The following EFCAB6 variants were observed in gnomAD, a reference collection of about 807,000 sequenced individuals.
EFCAB6 encodes EF-hand calcium-binding domain-containing protein 6.
In EFCAB6, 156 loss-of-function variants were observed where a neutral mutation model predicts 169.8. That is an observed-to-expected ratio of 0.92 (90% CI 0.81 to 1.05). The LOEUF (loss-of-function observed/expected upper bound fraction) is 1.05. Ranked by LOEUF, EFCAB6 falls within the 50% of genes least tolerant of loss-of-function variation. The pLI, the probability that EFCAB6 is intolerant of heterozygous loss-of-function variation, is 0.00. For missense variants in EFCAB6, 1,800 were observed against 1,829.1 expected (o/e 0.98, Z 0.29); for synonymous variants, 698 against 676.4 (o/e 1.03, Z -0.50).
intron 9 of EFCAB6, among the ~76,000 whole-genome samples, chr22:43,713,997 CACAAAAA>C (rs2059247712): frequency 6.6e-6 from 1 of 151,794 alleles, no homozygotes; most frequent in Non-Finnish European, 1.5e-5. Context: ...AATTTCATGC[CACAAAAA>C]GGAACTAAAT....
intron 17 of EFCAB6, among the ~76,000 whole-genome samples, chr22:43,638,524 C>T (rs935710286): frequency 2.6e-5 from 4 of 152,164 alleles, no homozygotes; most frequent in South Asian, 2.1e-4. Flanking sequence ...TGAAGGAAGA[C>T]GCCCTGAGAG....
intron 2 of EFCAB6, among the ~76,000 whole-genome samples, chr22:43,801,976 T>C (rs2062737878): frequency 6.6e-6 from 1 of 152,184 alleles, no homozygotes; most frequent in African/African-American, 2.4e-5. Context: ...AGAAACCCAC[T>C]TCACCTATAA....
intron 17 of EFCAB6, among the ~76,000 whole-genome samples, chr22:43,636,609 C>CTTTTTTT: frequency 7.9e-6 from 1 of 126,300 alleles, no homozygotes; most frequent in Non-Finnish European, 1.7e-5. Flanking sequence ...CAGTTCTTTT[C>CTTTTTTT]TTTTTTTTTT....
At chr22:43,574,308 G>C (rs573941412) in intron 26 of EFCAB6, among the ~76,000 whole-genome samples, 3 of 151,478 alleles carry the variant, frequency 2.0e-5, no homozygotes, top group African/African-American at 7.3e-5. Flanking sequence ...AAAAAAATGC[G>C]TTAGAAAAAA....
intron 2 of EFCAB6, among the ~76,000 whole-genome samples, chr22:43,803,749 C>T (rs868114794): frequency 1.1e-4 from 16 of 152,156 alleles, no homozygotes; most frequent in African/African-American, 3.6e-4. Flanking sequence ...GCTTCACTCT[C>T]GGTAATGAAT....
At chr22:43,687,367 C>A (rs927593599) in intron 11 of EFCAB6, 104 bp downstream of exon 11, 17 of 711,540 alleles carry the variant, frequency 2.4e-5, no homozygotes, top group Non-Finnish European at 3.7e-5. Flanking sequence ...GGAGACTAAT[C>A]GATCATTCAA....
At chr22:43,726,627 C>T (rs1025212593) in intron 8 of EFCAB6, among the ~76,000 whole-genome samples, 6 of 152,196 alleles carry the variant, frequency 3.9e-5, no homozygotes, top group Admixed American at 6.5e-5. Flanking sequence ...AATTGGAAAA[C>T]AGAGTTCAGG....
At chr22:43,575,735 C>T (rs543473689) in intron 26 of EFCAB6, among the ~76,000 whole-genome samples, 3 of 152,178 alleles carry the variant, frequency 2.0e-5, no homozygotes, top group African/African-American at 4.8e-5. Flanking sequence ...TGGAGTCAGG[C>T]TTACAAACCA....
chr22:43,776,752 CA>C (rs1372733155), intron 3 of EFCAB6, among the ~76,000 whole-genome samples: 2 of 152,174 alleles, frequency 1.3e-5, no homozygotes, highest in South Asian at 2.1e-4. Context: ...GAGGTCAGGC[CA>C]GGGGAGGAAA....
At chr22:43,545,666 T>C (rs2147111023) in intron 27 of EFCAB6, among the ~76,000 whole-genome samples, 1 of 152,272 alleles carries the variant, frequency 6.6e-6, no homozygotes, top group Middle Eastern at 3.4e-3. Flanking sequence ...GTATCTTCAG[T>C]GCAAGGCTGG....
intron 23 of EFCAB6, 36 bp from the exon 24 acceptor site, chr22:43,590,265 C>A: frequency 6.3e-7 from 1 of 1,592,796 alleles, no homozygotes; most frequent in South Asian, 1.1e-5. Context: ...ACCCTAAAAT[C>A]AGGAAAACAA....
intron 30 of EFCAB6, among the ~76,000 whole-genome samples, chr22:43,531,302 C>T (rs1954224342): frequency 6.6e-6 from 1 of 152,030 alleles, no homozygotes. Context: ...GGGCTTTGAC[C>T]CCAACACACT....
intron 17 of EFCAB6, among the ~76,000 whole-genome samples, chr22:43,641,786 G>A (rs1269803734): frequency 2.6e-5 from 4 of 152,172 alleles, no homozygotes; most frequent in African/African-American, 7.2e-5. Flanking sequence ...TGGACCAGCC[G>A]TGGGATCCTC....
intron 10 of EFCAB6, among the ~76,000 whole-genome samples, chr22:43,707,702 AAACTGAACTAAACACTC>A (rs1360801606): frequency 4.6e-5 from 7 of 152,282 alleles, no homozygotes; most frequent in African/African-American, 1.4e-4. Context: ...TTGAAAACAA[AAACTGAACTAAACACTC>A]ACAGGACCTT....
chr22:43,744,214 C>T lies in EFCAB6; in HGVS notation c.508-8221G>A, dbSNP rs189894032. On this transcript the variant is annotated intron_variant, in intron 6 of 31. Coordinates refer to ENST00000262726, the MANE Select transcript of EFCAB6 (RefSeq NM_022785.4). The surrounding 1 kb of genome is among the most constrained non-coding windows in gnomAD (Gnocchi z 4.3). ...GATGATGAATGAATGGATGGAAGGG[C>T]TATGGACAGATGGATGTGGGGATGG... 4.3e-3 allele frequency among the ~76,000 whole-genome samples: 649 copies of T among 149,816 alleles called. 2 individuals carry two copies. Among genetic ancestry groups the T allele is most frequent in the Middle Eastern group, 0.03 (8 of 268 alleles).
chr22:43,631,355 G>C (rs990526794), intron 19 of EFCAB6, among the ~76,000 whole-genome samples: 1 of 151,872 alleles, frequency 6.6e-6, no homozygotes, highest in Non-Finnish European at 1.5e-5. Context: ...TGTTTGAATG[G>C]CTGCTGTCTA....
intron 27 of EFCAB6, among the ~76,000 whole-genome samples, chr22:43,545,581 T>C (rs901877223): frequency 2.6e-5 from 4 of 152,166 alleles, no homozygotes; most frequent in Admixed American, 2.0e-4. Flanking sequence ...TGCGGATTGA[T>C]GGTGCTCAGG....
intron 6 of EFCAB6, among the ~76,000 whole-genome samples, chr22:43,751,001 C>T (rs1425317298): frequency 2.6e-5 from 4 of 152,200 alleles, no homozygotes; most frequent in African/African-American, 9.7e-5. Context: ...TTGTCACAGC[C>T]GACTGGGTAG....
At chr22:43,733,914 G>T (rs771292947) in intron 7 of EFCAB6, among the ~76,000 whole-genome samples, 2 of 152,068 alleles carry the variant, frequency 1.3e-5, no homozygotes, top group Non-Finnish European at 2.9e-5. Flanking sequence ...TCACCATGTT[G>T]GCCAGGACGG....
Sources: allele counts gnomAD v4.1 joint callset (sites outside exome capture counted in the v4.1 genomes callset), GRCh38; gene constraint gnomAD v4.1.1; non-coding constraint Gnocchi (gnomAD v3.1); transcripts MANE v1.5; gene names NCBI Gene and HGNC (gene_info 2026-07-23, HGNC 2026-07-21).